Variants in ANKRD2 observed in about 807,000 individuals in gnomAD.
ANKRD2 encodes the protein ankyrin repeat domain-containing protein 2.
A neutral mutation model predicts 37.3 loss-of-function variants in ANKRD2; 35 were observed. The ratio of observed to expected loss-of-function variants is 0.94; its 90% CI spans 0.72 to 1.24. ANKRD2 has a LOEUF of 1.24. ANKRD2 is among the 50% of genes most tolerant of loss of function. The probability of loss-of-function intolerance (pLI) is 0.00; values close to 1 mark genes in which losing one functional copy is unlikely to be tolerated. For missense variants in ANKRD2, 410 were observed against 445.6 expected (o/e 0.92, Z 0.72); for synonymous variants, 159 against 186.5 (o/e 0.85, Z 1.20).
At chr10:97,578,144 G>GGCCCCCCCCC in intron 2 of ANKRD2, 96 bp from the exon 3 acceptor site, 36 of 685,172 alleles carry the variant, frequency 5.3e-5, no homozygotes, top group East Asian at 1.1e-4. Flanking sequence ...GGGTCTTCCT[G>GGCCCCCCCCC]CCCACCCCAC....
At chr10:97,583,458 A>T (rs2040928793) in intron 8 of ANKRD2, 118 bp from the exon 9 acceptor site, 3 of 980,946 alleles carry the variant, frequency 3.1e-6, no homozygotes, top group Non-Finnish European at 4.4e-6. Flanking sequence ...ACACAATGCC[A>T]GTTGCCCCCA....
At chr10:97,573,917 T>TA (rs1170508843) in intron 1 of ANKRD2, among the ~76,000 whole-genome samples, 1 of 152,096 alleles carries the variant, frequency 6.6e-6, no homozygotes, top group African/African-American at 2.4e-5. Flanking sequence ...AATGACTAAA[T>TA]AGAGGTGTGA....
At chr10:97,575,979 A>T (rs1278319859) in intron 1 of ANKRD2, among the ~76,000 whole-genome samples, 1 of 151,926 alleles carries the variant, frequency 6.6e-6, no homozygotes, top group Non-Finnish European at 1.5e-5. Flanking sequence ...AGAGTCCCAC[A>T]TGCAGCAGTA....
At chr10:97,573,755 C>T (rs2040789437) in intron 1 of ANKRD2, among the ~76,000 whole-genome samples, 2 of 152,268 alleles carry the variant, frequency 1.3e-5, no homozygotes, top group South Asian at 2.1e-4. Context: ...TAAACTAATA[C>T]TTCATCTAGT....
At chr10:97,578,214 G>T (rs759694455) in intron 2 of ANKRD2, 26 bp from the exon 3 acceptor site, 14 of 1,604,818 alleles carry the variant, frequency 8.7e-6, no homozygotes, top group Middle Eastern at 1.7e-4. Context: ...GCCCGGCCTG[G>T]GGGGTTGATG....
intron 1 of ANKRD2, among the ~76,000 whole-genome samples, chr10:97,576,711 T>TATTTA (rs2040831005): frequency 6.7e-6 from 1 of 148,364 alleles, no homozygotes; most frequent in Non-Finnish European, 1.5e-5. Context: ...TTTATTTATT[T>TATTTA]TTTGAGACCG....
At chr10:97,577,965 C>A in intron 2 of ANKRD2, 64 bp downstream of exon 2, 1 of 1,436,676 alleles carries the variant, frequency 7.0e-7, no homozygotes, top group South Asian at 1.3e-5. Context: ...GGCCTGTCTG[C>A]ACCTCTCCCC....
In ANKRD2 at chr10:97,581,419, G is replaced by A; in HGVS notation, c.654+5G>A. On this transcript the variant is annotated splice_donor_5th_base_variant and intron_variant, in intron 6 of 8. Coordinates refer to ENST00000370655, the MANE Select transcript of ANKRD2 (RefSeq NM_001346793.2). ...GACACCAATGTGAGGGATAAGGTGA[G>A]GCAAAAACACTCAGAAGCAACAGAT... is the stretch of plus-strand genomic sequence containing the variant. The A allele has an allele frequency of 1.2e-6, 2 of 1,613,926 alleles. No individual in the cohort carries two copies. The highest frequency in any genetic ancestry group is 1.7e-6 in the Non-Finnish European group (2 of 1,179,884).
At position 97,572,822 on chromosome 10, in the gene ANKRD2, C is replaced by T; in HGVS notation, c.34C>T (p.Gln12Ter). 6.4e-7 allele frequency: 1 copy of T among 1,566,654 alleles called. No individual in the cohort carries two copies. Among genetic ancestry groups the T allele is most frequent in the Non-Finnish European group, 8.7e-7 (1 of 1,156,022 alleles). The change falls in exon 1 of 9, where the codon CAG becomes TAG. Residue 12 changes from glutamine to a stop codon, truncating the protein, a stop_gained. Transcript: ENST00000370655. LOFTEE classifies it high-confidence loss of function. ...DGTMEDSEAV[Q>*]RATALIEQRL... ...CACCATGGAGGACTCCGAGGCGGTGCAGAGGGCCACAGCGCTCATCGAGCA... is the reference window on the plus strand; with the variant it reads ...CACCATGGAGGACTCCGAGGCGGTGTAGAGGGCCACAGCGCTCATCGAGCA...
chr10:97,576,668 TTTTATTTATTTA>T (rs59288893), intron 1 of ANKRD2, among the ~76,000 whole-genome samples: 7,035 of 140,470 alleles, frequency 0.05, 447 homozygotes, highest in African/African-American at 0.15. Flanking sequence ...TTAAAACTTA[TTTTATTTATTTA>T]TTTATTTATT....
chr10:97,582,784 C>T (rs2040918393), intron 8 of ANKRD2, 82 bp downstream of exon 8: 1 of 1,287,546 alleles, frequency 7.8e-7, no homozygotes, highest in Non-Finnish European at 1.1e-6. Context: ...TGGAGCAGCC[C>T]CCGCCTAGGG....
intron 1 of ANKRD2, among the ~76,000 whole-genome samples, chr10:97,577,541 G>T (rs965480566): frequency 6.6e-6 from 1 of 152,212 alleles, no homozygotes; most frequent in African/African-American, 2.4e-5. Flanking sequence ...CTTTAATGTT[G>T]TTTTGCAGGG....
chr10:97,578,703 AGGCACC>A (rs2040861269), intron 4 of ANKRD2, 98 bp downstream of exon 4: 3 of 960,628 alleles, frequency 3.1e-6, no homozygotes, highest in Non-Finnish European at 4.7e-6. Context: ...ATTTGAGAGG[AGGCACC>A]GGTGTTCTTT....
intron 1 of ANKRD2, among the ~76,000 whole-genome samples, chr10:97,576,271 C>T (rs1332625699): frequency 1.3e-5 from 2 of 152,202 alleles, no homozygotes; most frequent in African/African-American, 4.8e-5. Context: ...GGCAATTGTT[C>T]CTGGACTCAT....
chr10:97,580,020 T>A (rs1348621007), intron 4 of ANKRD2, among the ~76,000 whole-genome samples: 2 of 152,222 alleles, frequency 1.3e-5, no homozygotes, highest in Admixed American at 1.3e-4. Context: ...TTTGGCACAT[T>A]AGTGGTTTTC....
At chr10:97,581,849 T>C (rs559546116) in intron 6 of ANKRD2, among the ~76,000 whole-genome samples, 360 of 152,358 alleles carry the variant, frequency 2.4e-3, no homozygotes, top group Middle Eastern at 0.02. Context: ...TATTCATTCA[T>C]TATTTCATGT....
At chr10:97,574,496 G>A (rs978969341) in intron 1 of ANKRD2, among the ~76,000 whole-genome samples, 6 of 152,210 alleles carry the variant, frequency 3.9e-5, no homozygotes, top group African/African-American at 1.4e-4. Flanking sequence ...CCATGTAAAA[G>A]ATATTTATTC....
chr10:97,574,903 GAC>G (rs2040806048), intron 1 of ANKRD2, among the ~76,000 whole-genome samples: 1 of 147,958 alleles, frequency 6.8e-6, no homozygotes, highest in East Asian at 1.9e-4. Flanking sequence ...GCTGCCAATA[GAC>G]ACACAGACCT....
At chr10:97,575,156 T>G (rs1486087142) in intron 1 of ANKRD2, among the ~76,000 whole-genome samples, 1 of 152,110 alleles carries the variant, frequency 6.6e-6, no homozygotes, top group African/African-American at 2.4e-5. Context: ...AAACCTGAAA[T>G]GAAGGGCTGT....
Sources: gnomAD v4.1 joint callset for allele counts (sites outside exome capture counted in the v4.1 genomes callset) on GRCh38, gnomAD v4.1.1 for gene constraint, MANE v1.5 for transcripts, NCBI Gene and HGNC (gene_info 2026-07-23, HGNC 2026-07-21) for gene names.